NRXN1: variants seen among roughly 807,000 people sequenced by gnomAD.
NRXN1 encodes the protein neurexin-1.
Under a neutral mutation model 150.9 loss-of-function variants are expected in NRXN1, and 39 were observed. The ratio of observed to expected loss-of-function variants is 0.26; its 90% confidence interval spans 0.20 to 0.34. The LOEUF is 0.34. Ranked by LOEUF, NRXN1 falls within the 10% of genes least tolerant of loss-of-function variation. NRXN1 has a pLI of 1.00. For synonymous variants in NRXN1, 924 were observed against 757.0 expected (o/e 1.22, Z -3.62); for missense variants, 1,815 against 1,949.9 (o/e 0.93, Z 1.30).
intron 21 of NRXN1, among the ~76,000 whole-genome samples, chr2:49,966,202 G>A (rs934901519): frequency 6.6e-6 from 1 of 152,164 alleles, no homozygotes; most frequent in Non-Finnish European, 1.5e-5. Context: ...TTTCACTGAA[G>A]TGTGCTTGCT....
chr2:50,434,239 TTTG>T (rs1325434694), intron 17 of NRXN1, among the ~76,000 whole-genome samples: 1 of 151,088 alleles, frequency 6.6e-6, no homozygotes, highest in Non-Finnish European at 1.5e-5. Flanking sequence ...TTTTGTATTT[TTTG>T]TTGTTGTTGT....
intron 18 of NRXN1, among the ~76,000 whole-genome samples, chr2:50,219,974 T>A (rs7587272): frequency 7.7e-5 from 4 of 52,170 alleles, no homozygotes; most frequent in Admixed American, 4.1e-4. Context: ...TATATATATA[T>A]AATATATATA....
intron 18 of NRXN1, among the ~76,000 whole-genome samples, chr2:50,098,868 T>C (rs1275510028): frequency 3.1e-5 from 2 of 64,446 alleles, no homozygotes; most frequent in Admixed American, 3.1e-4. Context: ...TTTTTTTTTT[T>C]TTTTTTTTTT....
intron 8 of NRXN1, among the ~76,000 whole-genome samples, chr2:50,583,504 A>G (rs1250916555): frequency 6.6e-6 from 1 of 152,188 alleles, no homozygotes; most frequent in Non-Finnish European, 1.5e-5. Context: ...CATACCTGCC[A>G]GTTTCCACAA....
chr2:50,063,842 A>C (rs1432759221), intron 19 of NRXN1, among the ~76,000 whole-genome samples: 1 of 152,196 alleles, frequency 6.6e-6, no homozygotes, highest in African/African-American at 2.4e-5. Flanking sequence ...TATGTATAAC[A>C]CAATGGTGAG....
intron 18 of NRXN1, among the ~76,000 whole-genome samples, chr2:50,182,189 C>T (rs6712119): frequency 4.7e-5 from 7 of 149,614 alleles, no homozygotes; most frequent in African/African-American, 9.8e-5. Context: ...AAGCCACTAT[C>T]GGTTTGGCAC....
At chr2:50,499,677 G>A (rs1472643375) in intron 13 of NRXN1, among the ~76,000 whole-genome samples, 1 of 152,152 alleles carries the variant, frequency 6.6e-6, no homozygotes, top group South Asian at 2.1e-4. Context: ...TCTAGATGCG[G>A]TGGCTCACGC....
intron 18 of NRXN1, among the ~76,000 whole-genome samples, chr2:50,137,934 G>A (rs752829360): frequency 1.1e-4 from 16 of 152,046 alleles, no homozygotes; most frequent in Non-Finnish European, 1.9e-4. Flanking sequence ...CTCCTTTGAC[G>A]GAAAATGAGA....
At chr2:50,970,519 T>A (rs1320334061) in intron 2 of NRXN1, among the ~76,000 whole-genome samples, 2 of 152,088 alleles carry the variant, frequency 1.3e-5, no homozygotes, top group African/African-American at 4.8e-5. Flanking sequence ...TAAAGAAGAA[T>A]AAATTTATAT....
At chr2:50,010,421 C>T (rs1020210931) in intron 21 of NRXN1, among the ~76,000 whole-genome samples, 7 of 152,238 alleles carry the variant, frequency 4.6e-5, no homozygotes, top group Admixed American at 3.9e-4. Context: ...ATATCCAAGT[C>T]AGATCTGATG....
chr2:50,276,744 C>G (rs945907003), intron 17 of NRXN1, among the ~76,000 whole-genome samples: 3 of 152,168 alleles, frequency 2.0e-5, no homozygotes, highest in Non-Finnish European at 2.9e-5. Flanking sequence ...TGCTTGCCAT[C>G]TTGTAGTCCT....
rs576294582 is a variant in NRXN1 at position 50,558,388 on chromosome 2, T to G, written c.1321-5363A>C. On this transcript the variant is annotated intron_variant, in intron 8 of 22. Transcript: ENST00000401669. Reference sequence around the variant, plus strand: ...TTTTTGATAGCAGTTGCTAAGTAGATTCACAATCAAACAGCTGTTTGTCAT... The same window carrying G: ...TTTTTGATAGCAGTTGCTAAGTAGAGTCACAATCAAACAGCTGTTTGTCAT... 6.6e-5 allele frequency among the ~76,000 whole-genome samples: 10 copies of G among 152,330 alleles called. No homozygotes were observed. In the South Asian group the frequency reaches 1.2e-3, roughly 19 times the overall value.
rs149381414 is a variant in NRXN1 at position 49,944,617 on chromosome 2, G to A, written c.4129-826C>T. Among the ~76,000 whole-genome samples, 553 of 152,230 alleles carry A rather than the reference G, an allele frequency of 3.6e-3. 4 individuals carry two copies. The highest frequency in any genetic ancestry group is 5.9e-3 in the Non-Finnish European group (401 of 68,028). On this transcript the variant is annotated intron_variant, in intron 21 of 22. Coordinates refer to ENST00000401669, the MANE Select transcript of NRXN1 (RefSeq NM_001330078.2). ...ACATAATCAACACACTGATAAGCAC[G>A]AAAAGTTGTTCTTTATTGCCACTGA...
chr2:50,144,905 C>A (rs187805211), intron 18 of NRXN1, among the ~76,000 whole-genome samples: 5 of 151,576 alleles, frequency 3.3e-5, no homozygotes, highest in African/African-American at 1.2e-4. Flanking sequence ...CATTTTTATC[C>A]TATAATATTT....
chr2:50,212,628 G>T (rs910405343), intron 18 of NRXN1, among the ~76,000 whole-genome samples: 1 of 151,806 alleles, frequency 6.6e-6, no homozygotes, highest in Non-Finnish European at 1.5e-5. Flanking sequence ...GGTGGTTTGG[G>T]ACATTACAGT....
intron 22 of NRXN1, among the ~76,000 whole-genome samples, chr2:49,925,993 G>T (rs910050369): frequency 2.6e-5 from 4 of 152,102 alleles, no homozygotes; most frequent in Non-Finnish European, 5.9e-5. Context: ...TGGGCCCAGG[G>T]GCATAAGGAA....
chr2:50,168,444 T>G (rs2059818240), intron 18 of NRXN1, among the ~76,000 whole-genome samples: 1 of 152,158 alleles, frequency 6.6e-6, no homozygotes, highest in African/African-American at 2.4e-5. Flanking sequence ...AAAATCACGG[T>G]TCATTTGACG....
At chr2:50,190,755 G>C (rs1290347768) in intron 18 of NRXN1, among the ~76,000 whole-genome samples, 1 of 151,638 alleles carries the variant, frequency 6.6e-6, no homozygotes, top group Non-Finnish European at 1.5e-5. Context: ...TGGGATTACA[G>C]GCATGCGCCA....
intron 12 of NRXN1, among the ~76,000 whole-genome samples, chr2:50,514,788 T>A (rs1196508571): frequency 6.6e-6 from 1 of 152,196 alleles, no homozygotes; most frequent in Non-Finnish European, 1.5e-5. Flanking sequence ...ACGTTTCCCA[T>A]AAATTCTGCA....
Sources: gnomAD v4.1 joint callset for allele counts (sites outside exome capture counted in the v4.1 genomes callset) on GRCh38, gnomAD v4.1.1 for gene constraint, MANE v1.5 for transcripts, NCBI Gene and HGNC (gene_info 2026-07-23, HGNC 2026-07-21) for gene names.